RBM26: variants seen among roughly 807,000 people sequenced by gnomAD.
RBM26 encodes RNA-binding protein 26.
In RBM26, 30 loss-of-function variants were observed where a neutral mutation model predicts 123.6. The observed-to-expected ratio is 0.24, with a 90% CI of 0.18 to 0.33. The LOEUF (loss-of-function observed/expected upper bound fraction) is 0.33. Ranked by LOEUF, RBM26 falls within the 10% of genes least tolerant of loss-of-function variation. RBM26 has a pLI of 1.00. For missense variants in RBM26, 947 were observed against 1,203.6 expected (o/e 0.79, Z 3.15); for synonymous variants, 400 against 404.4 (o/e 0.99, Z 0.13).
intron 6 of RBM26, among the ~76,000 whole-genome samples, chr13:79,367,279 C>T (rs537087600): frequency 3.3e-5 from 5 of 151,306 alleles, no homozygotes; most frequent in Non-Finnish European, 5.9e-5. Flanking sequence ...TGGTGGCTGG[C>T]GCCCATAAGC....
At chr13:79,344,567 C>T in intron 15 of RBM26, 102 bp downstream of exon 15, 13 of 1,084,590 alleles carry the variant, frequency 1.2e-5, no homozygotes, top group Non-Finnish European at 1.7e-5. Context: ...AGCCAACAAA[C>T]ACCCTTGTAG....
chr13:79,321,092 T>C (rs2138355427), intron 21 of RBM26, among the ~76,000 whole-genome samples: 1 of 151,596 alleles, frequency 6.6e-6, no homozygotes, highest in African/African-American at 2.4e-5. Flanking sequence ...AACCAATGAC[T>C]TGTATAAAAT....
At chr13:79,382,293 G>GGTAAA (rs1334879501) in intron 1 of RBM26, among the ~76,000 whole-genome samples, 1 of 151,926 alleles carries the variant, frequency 6.6e-6, no homozygotes, top group Non-Finnish European at 1.5e-5. Flanking sequence ...TTTACCAGTT[G>GGTAAA]CCACTGCTGA....
chr13:79,312,462 T>C (rs546268570), exon 5 of RBM26: 2 of 152,142 alleles, frequency 1.3e-5, no homozygotes, highest in East Asian at 3.9e-4. Context: ...TACAATGCAA[T>C]AATACTTCTC....
chr13:79,387,990 C>T (rs1322447994), intron 1 of RBM26, among the ~76,000 whole-genome samples: 1 of 152,194 alleles, frequency 6.6e-6, no homozygotes, highest in East Asian at 1.9e-4. Context: ...GAACAAATCA[C>T]AATGTATTGA....
At chr13:79,333,230 A>T (rs1215506274) in intron 20 of RBM26, among the ~76,000 whole-genome samples, 1 of 152,188 alleles carries the variant, frequency 6.6e-6, no homozygotes. Context: ...ACTTTCACAA[A>T]AGAACATTAA....
At chr13:79,372,476 A>C (rs1000665620) in intron 3 of RBM26, among the ~76,000 whole-genome samples, 8 of 151,780 alleles carry the variant, frequency 5.3e-5, no homozygotes, top group Non-Finnish European at 1.2e-4. Context: ...TCATTTAACT[A>C]TAATGAAATG....
At chr13:79,362,980 A>G (rs1270106221) in intron 9 of RBM26, among the ~76,000 whole-genome samples, 1 of 152,190 alleles carries the variant, frequency 6.6e-6, no homozygotes, top group Admixed American at 6.6e-5. Flanking sequence ...TTTTCTGCCT[A>G]AAATTGTCAG....
At chr13:79,350,583 G>A (rs1455072617) in intron 14 of RBM26, among the ~76,000 whole-genome samples, 1 of 152,060 alleles carries the variant, frequency 6.6e-6, no homozygotes, top group Non-Finnish European at 1.5e-5. Flanking sequence ...TCACGAAAAT[G>A]GGGTCTCAGG....
chr13:79,341,642 T>C (rs2071393839), intron 17 of RBM26, among the ~76,000 whole-genome samples: 1 of 151,820 alleles, frequency 6.6e-6, no homozygotes, highest in African/African-American at 2.4e-5. Context: ...CCACAACTAA[T>C]GATACTGGTG....
intron 11 of RBM26, among the ~76,000 whole-genome samples, chr13:79,357,948 T>C (rs1032786296): frequency 1.3e-4 from 20 of 150,762 alleles, no homozygotes; most frequent in Non-Finnish European, 2.7e-4. Flanking sequence ...AGTGGCGCAA[T>C]CTCGGCTCGC....
intron 1 of RBM26, among the ~76,000 whole-genome samples, chr13:79,399,496 G>T (rs748798265): frequency 6.6e-6 from 1 of 152,132 alleles, no homozygotes; most frequent in Non-Finnish European, 1.5e-5. Context: ...CAGCTTTGCT[G>T]AAATTAAGAC....
At chr13:79,368,695 A>C in intron 6 of RBM26, 35 bp downstream of exon 6, 1 of 1,579,988 alleles carries the variant, frequency 6.3e-7, no homozygotes, top group Non-Finnish European at 8.6e-7. Context: ...TGGAAATATT[A>C]ATTAAATACT....
At chr13:79,336,443 C>T (rs1019266471) in intron 19 of RBM26, among the ~76,000 whole-genome samples, 24 of 152,096 alleles carry the variant, frequency 1.6e-4, no homozygotes. Flanking sequence ...AAAACTGATG[C>T]TTAGTAACCA....
In RBM26 at chr13:79,355,210, C is replaced by T. The variant is rs1044889164; in HGVS notation, c.1854+10G>A. 5.0e-6 allele frequency: 8 copies of T among 1,611,888 alleles called. No homozygotes were observed. In the African/African-American group the frequency reaches 9.4e-5, roughly 19 times the overall value. On this transcript the variant is annotated intron_variant, in intron 12 of 21. Coordinates refer to ENST00000438737, the MANE Select transcript of RBM26 (RefSeq NM_001366735.2). ...AAATGCGCGTACTTTTACACAAATT[C>T]CTCTCTTACCTTTGGAGAAGTAGTT...
intron 9 of RBM26, among the ~76,000 whole-genome samples, chr13:79,363,609 AT>A (rs902308134): frequency 1.3e-5 from 2 of 152,222 alleles, no homozygotes; most frequent in African/African-American, 4.8e-5. Flanking sequence ...GAGAAAAAGC[AT>A]TCAAATTTCT....
chr13:79,329,874 G>A (rs551540531), intron 20 of RBM26, among the ~76,000 whole-genome samples: 12 of 152,068 alleles, frequency 7.9e-5, no homozygotes, highest in Non-Finnish European at 1.2e-4. Flanking sequence ...TCTATCATTC[G>A]AAGAGCCAAC....
intron 3 of RBM26, among the ~76,000 whole-genome samples, chr13:79,373,701 T>A (rs1444831369): frequency 4.4e-4 from 32 of 73,400 alleles, no homozygotes; most frequent in Non-Finnish European, 6.4e-4. Flanking sequence ...ATATAATATT[T>A]TATATATATA....
At chr13:79,346,277 G>A (rs1366987929) in intron 14 of RBM26, among the ~76,000 whole-genome samples, 2 of 152,076 alleles carry the variant, frequency 1.3e-5, no homozygotes, top group African/African-American at 2.4e-5. Flanking sequence ...GCCTCTAAAC[G>A]AAATAAAAAC....
Sources: gnomAD v4.1 joint callset for allele counts (sites outside exome capture counted in the v4.1 genomes callset) on GRCh38, gnomAD v4.1.1 for gene constraint, MANE v1.5 for transcripts, NCBI Gene and HGNC (gene_info 2026-07-23, HGNC 2026-07-21) for gene names.